CSF1R: variants seen among roughly 807,000 people sequenced by gnomAD.
CSF1R encodes macrophage colony-stimulating factor 1 receptor.
A neutral mutation model predicts 110.0 loss-of-function variants in CSF1R; 40 were observed. The observed-to-expected ratio is 0.36, with a 90% CI of 0.28 to 0.47. CSF1R has a LOEUF of 0.47. Ranked by LOEUF, CSF1R falls within the 20% of genes least tolerant of loss-of-function variation. The pLI is 0.99. For missense variants in CSF1R, 1,052 were observed against 1,253.0 expected (o/e 0.84, Z 2.42); for synonymous variants, 523 against 503.4 (o/e 1.04, Z -0.52).
intron 5 of CSF1R, among the ~76,000 whole-genome samples, chr5:150,074,410 C>T (rs752631509): frequency 5.1e-4 from 77 of 150,404 alleles, no homozygotes; most frequent in Non-Finnish European, 9.4e-4. Context: ...CAGGTTCAAG[C>T]GATTCTCCGG....
At chr5:150,090,336 A>G (rs1179041180), upstream of CSF1R, among the ~76,000 whole-genome samples, 2 of 152,224 alleles carry the variant, frequency 1.3e-5, no homozygotes, top group African/African-American at 4.8e-5. Context: ...GCATAGTTCT[A>G]TGAGTTTTGA....
At chr5:150,101,898 G>A (rs1021370734) in intron 1 of CSF1R, among the ~76,000 whole-genome samples, 1 of 151,996 alleles carries the variant, frequency 6.6e-6, no homozygotes, top group East Asian at 1.9e-4. Flanking sequence ...TTTAAAAATA[G>A]TATCCTATGC....
Position 150,061,934 on chromosome 5 carries a change from T to A in CSF1R, c.1627-85A>T, listed in dbSNP as rs1757553074. 6 of 1,594,432 alleles carry A rather than the reference T, an allele frequency of 3.8e-6. 1 individual carries two copies. In the South Asian group the frequency reaches 5.6e-5, roughly 15 times the overall value. The stretch of plus-strand genomic sequence containing the variant: ...TTTCTGACCCCCAAGAGCAGGGGTG[T>A]GGGCAGTCCCAAGGCGCCCAGTGGG... On this transcript the variant is annotated intron_variant, in intron 10 of 20. Coordinates refer to ENST00000675795, the MANE Select transcript of CSF1R (RefSeq NM_001288705.3).
At position 150,053,799 on chromosome 5, in the gene CSF1R, G is replaced by GCAAA; in HGVS notation, c.*266_*269dup. On this transcript the variant is annotated 3_prime_UTR_variant, in exon 21 of 21. Transcript: ENST00000675795. The stretch of plus-strand genomic sequence containing the variant: ...AAAGAAGGTTCTACTAGTTGGCATA[G>GCAAA]CAAACACGAGGCCAACACCATGAGA... The GCAAA allele has an allele frequency of 9.2e-6, 5 of 543,474 alleles. No individual in the cohort carries two copies. The South Asian group carries it at 1.0e-4, about 11-fold the overall frequency. 33.7% of individuals were successfully genotyped at this position (543,474 alleles called of 1,614,324 possible).
intron 1 of CSF1R, among the ~76,000 whole-genome samples, chr5:150,106,726 CT>C (rs1322279808): frequency 6.6e-6 from 1 of 152,154 alleles, no homozygotes; most frequent in Non-Finnish European, 1.5e-5. Context: ...ATCTCTGCCT[CT>C]TCTCTCTCCA....
At chr5:150,108,272 C>G (rs1288638477) in intron 1 of CSF1R, among the ~76,000 whole-genome samples, 1 of 152,128 alleles carries the variant, frequency 6.6e-6, no homozygotes, top group Admixed American at 6.5e-5. Context: ...GAGAAAGTAG[C>G]TTTTGCTGGG....
chr5:150,061,082 C>T (rs77510451), intron 12 of CSF1R, 110 bp from the exon 13 acceptor site: 40,450 of 716,552 alleles, frequency 0.056, 2,352 homozygotes, highest in East Asian at 0.27. Flanking sequence ...CAGGGCATAC[C>T]CCAAGACCCG....
intron 1 of CSF1R, among the ~76,000 whole-genome samples, chr5:150,105,467 T>G (rs1054676741): frequency 2.1e-4 from 32 of 150,848 alleles, no homozygotes; most frequent in Non-Finnish European, 1.6e-4. Context: ...CTGCCCGTTT[T>G]GGCTTCCCAA....
At position 150,055,260 on chromosome 5, in the gene CSF1R, C is replaced by T. The variant is rs1757152982; in HGVS notation, c.2631G>A (p.Gln877=). The part of the protein sequence containing the change: ...KLVKDGYQMA[Q]PAFAPKNIYS... ...ACATATTCTTTGGGGCAAATGCAGGCTGGGCCATTTGGTATCCATCCTTCA... is the reference window on the plus strand; with the variant it reads ...ACATATTCTTTGGGGCAAATGCAGGTTGGGCCATTTGGTATCCATCCTTCA... The change falls in exon 19 of 21, where the codon CAG becomes CAA. Residue 877 remains glutamine, a synonymous_variant. Transcript: ENST00000675795. The T allele has an allele frequency of 1.2e-6, 2 of 1,614,060 alleles. No individual in the cohort carries two copies. Among genetic ancestry groups the T allele is most frequent in the African/African-American group, 1.3e-5 (1 of 74,930 alleles).
chr5:150,056,467 T>G (rs1050996070), intron 16 of CSF1R, 126 bp from the exon 17 acceptor site: 3 of 1,206,440 alleles, frequency 2.5e-6, no homozygotes, highest in Non-Finnish European at 3.5e-6. Flanking sequence ...GTTTTGGTCC[T>G]TTACCACAAA....
intron 10 of CSF1R, among the ~76,000 whole-genome samples, chr5:150,062,142 T>G (rs1757560391): frequency 6.6e-6 from 1 of 152,168 alleles, no homozygotes; most frequent in Non-Finnish European, 1.5e-5. Context: ...TCTCTGATAA[T>G]CTGGTAATTC....
chr5:150,083,470 C>T (rs541542697), intron 1 of CSF1R, among the ~76,000 whole-genome samples: 1 of 151,938 alleles, frequency 6.6e-6, no homozygotes, highest in Non-Finnish European at 1.5e-5. Context: ...GAGAGAGCCC[C>T]CCTCTCTCTC....
chr5:150,104,343 C>T (rs4362932), intron 1 of CSF1R, among the ~76,000 whole-genome samples: 30,897 of 152,272 alleles, frequency 0.2, 3,786 homozygotes, highest in Middle Eastern at 0.39. Flanking sequence ...TCTGTCCCCA[C>T]GATCAAAGGA....
chr5:150,112,238 A>G (rs1237869005), intron 1 of CSF1R, among the ~76,000 whole-genome samples: 1 of 37,326 alleles, frequency 2.7e-5, no homozygotes, highest in African/African-American at 5.4e-5. Context: ...TAGAAAAACA[A>G]AAACAAACAA....
At chr5:150,109,438 G>C (rs527263028) in intron 1 of CSF1R, among the ~76,000 whole-genome samples, 68 of 152,212 alleles carry the variant, frequency 4.5e-4, no homozygotes, top group Non-Finnish European at 9.0e-4. Flanking sequence ...TAGTAGAGCT[G>C]CAGCAGCACT....
At chr5:150,087,339 C>T (rs1490630589), upstream of CSF1R, among the ~76,000 whole-genome samples, 1 of 152,216 alleles carries the variant, frequency 6.6e-6, no homozygotes, top group Non-Finnish European at 1.5e-5. Context: ...CTTCCTTTTA[C>T]AGGACATTTA....
At chr5:150,113,077 C>T (rs1291440363) in intron 1 of CSF1R, among the ~76,000 whole-genome samples, 1 of 152,162 alleles carries the variant, frequency 6.6e-6, no homozygotes, top group Non-Finnish European at 1.5e-5. Flanking sequence ...CCCTATTGCC[C>T]CTGGCCCTGT....
At chr5:150,107,280 T>C (rs934766438) in intron 1 of CSF1R, among the ~76,000 whole-genome samples, 3 of 152,228 alleles carry the variant, frequency 2.0e-5, no homozygotes, top group African/African-American at 7.2e-5. Flanking sequence ...CTAAGTGGTG[T>C]TATACAGTGC....
At chr5:150,080,634 G>C (rs758161199) in intron 2 of CSF1R, 133 bp downstream of exon 2, 4 of 1,163,020 alleles carry the variant, frequency 3.4e-6, no homozygotes, top group Non-Finnish European at 4.8e-6. Context: ...TACATTAGCA[G>C]CTCTTCCAGG....
Sources: gnomAD v4.1 joint callset for allele counts (sites outside exome capture counted in the v4.1 genomes callset) on GRCh38, gnomAD v4.1.1 for gene constraint, MANE v1.5 for transcripts, NCBI Gene and HGNC (gene_info 2026-07-23, HGNC 2026-07-21) for gene names.